Variants in CAST observed in about 807,000 individuals in gnomAD.
The protein encoded by CAST is MIR583 host.
CAST carries 76 observed loss-of-function variants against 119.6 expected under a neutral mutation model. The ratio of observed to expected loss-of-function variants is 0.64; its 90% CI spans 0.53 to 0.77. The LOEUF (loss-of-function observed/expected upper bound fraction) is 0.77, where lower values mean the gene tolerates loss of function less well. Among genes scored for constraint, CAST ranks in the 30% least tolerant of loss-of-function variants. The pLI is 0.00. For missense variants in CAST, 953 were observed against 946.5 expected (o/e 1.01, Z -0.09); for synonymous variants, 319 against 331.6 (o/e 0.96, Z 0.41).
chr5:96,159,593 T>C, the CAST span, among the ~76,000 whole-genome samples: 9 of 152,316 alleles, frequency 5.9e-5, no homozygotes, highest in African/African-American at 1.9e-4. Flanking sequence ...ATTAAGTTTA[T>C]ATAATGCAGA....
chr5:96,718,595 G>A (rs571504245), intron 3 of CAST, among the ~76,000 whole-genome samples: 56 of 151,986 alleles, frequency 3.7e-4, no homozygotes, highest in African/African-American at 1.3e-3. Flanking sequence ...AGAGGCTTCC[G>A]GAAGAAAACA....
chr5:96,264,139 A>G, the CAST span, among the ~76,000 whole-genome samples: 7 of 152,374 alleles, frequency 4.6e-5, no homozygotes, highest in East Asian at 5.8e-4. Context: ...ATTGTATTCA[A>G]TTATAGCAAT....
At chr5:96,684,427 T>C (rs1007112795) in intron 2 of CAST, among the ~76,000 whole-genome samples, 1 of 152,228 alleles carries the variant, frequency 6.6e-6, no homozygotes, top group East Asian at 1.9e-4. Context: ...GATTATATAT[T>C]GCAGCACCTT....
chr5:96,412,752 G>GT, the CAST span, among the ~76,000 whole-genome samples: 22,721 of 71,526 alleles, frequency 0.32, 3,641 homozygotes, highest in Admixed American at 0.38. Context: ...CAGCTGTGAT[G>GT]TTTTTTTTTT....
the CAST span, among the ~76,000 whole-genome samples, chr5:96,164,903 A>G: frequency 1.3e-5 from 2 of 152,284 alleles, no homozygotes; most frequent in South Asian, 4.2e-4. Flanking sequence ...GGAATCGTGC[A>G]GAGCCTGGCA....
At chr5:96,202,172 T>G in the CAST span, among the ~76,000 whole-genome samples, 1 of 152,052 alleles carries the variant, frequency 6.6e-6, no homozygotes, top group Non-Finnish European at 1.5e-5. Context: ...GAATATTAGA[T>G]GAATGTCTAA....
chr5:96,213,307 G>A, the CAST span: 1 of 151,952 alleles, frequency 6.6e-6, no homozygotes, highest in Non-Finnish European at 1.5e-5. Flanking sequence ...AATATTTGAA[G>A]TAAGTTCCTT....
At chr5:96,514,424 T>C in the CAST span, among the ~76,000 whole-genome samples, 1 of 152,146 alleles carries the variant, frequency 6.6e-6, no homozygotes, top group African/African-American at 2.4e-5. Context: ...CCTGCCCAAG[T>C]ATTTGCTTAT....
chr5:96,080,871 T>A, the CAST span, among the ~76,000 whole-genome samples: 1 of 152,184 alleles, frequency 6.6e-6, no homozygotes, highest in East Asian at 1.9e-4. Flanking sequence ...AGGCACAATT[T>A]CCCTTTGAGC....
At chr5:96,362,719 G>A in the CAST span, among the ~76,000 whole-genome samples, 1 of 151,990 alleles carries the variant, frequency 6.6e-6, no homozygotes, top group South Asian at 2.1e-4. Flanking sequence ...AGTTCTTTGT[G>A]GATTCTGGAT....
upstream of CAST, among the ~76,000 whole-genome samples, chr5:96,527,827 G>C (rs1327459256): frequency 2.0e-5 from 3 of 152,134 alleles, no homozygotes; most frequent in Non-Finnish European, 4.4e-5. Context: ...AGCTGGGCTT[G>C]AGCCAGGGCC....
the CAST span, among the ~76,000 whole-genome samples, chr5:96,072,225 G>GC: frequency 0.61 from 92,960 of 151,720 alleles, 28,639 homozygotes; most frequent in Non-Finnish European, 0.63. Context: ...TATTGTTAAG[G>GC]CCTGACCCTC....
chr5:95,975,876 A>C, the CAST span, among the ~76,000 whole-genome samples: 4,016 of 152,242 alleles, frequency 0.026, 176 homozygotes, highest in African/African-American at 0.091. Flanking sequence ...GATCCCATTA[A>C]GTTAGCCATG....
At chr5:96,499,391 A>C in the CAST span, among the ~76,000 whole-genome samples, 1 of 152,224 alleles carries the variant, frequency 6.6e-6, no homozygotes, top group Non-Finnish European at 1.5e-5. Flanking sequence ...GTAGTCTACT[A>C]GGTGTGCAAT....
At chr5:96,387,864 CA>C in the CAST span, among the ~76,000 whole-genome samples, 6 of 152,310 alleles carry the variant, frequency 3.9e-5, no homozygotes, top group East Asian at 7.7e-4. Flanking sequence ...AATCACCTGT[CA>C]CTGGGGCCAC....
the CAST span, among the ~76,000 whole-genome samples, chr5:96,406,486 C>A: frequency 1.3e-5 from 2 of 152,178 alleles, no homozygotes; most frequent in Non-Finnish European, 2.9e-5. Context: ...ATCTTGCCAG[C>A]CCCTCCAAGT....
the CAST span, among the ~76,000 whole-genome samples, chr5:96,508,002 T>TATTATTATC: frequency 1.2e-3 from 76 of 66,014 alleles, no homozygotes; most frequent in Non-Finnish European, 2.3e-3. Flanking sequence ...TTATTATTAT[T>TATTATTATC]ATTATTATTA....
intron 1 of CAST, among the ~76,000 whole-genome samples, chr5:96,555,010 C>A (rs1407078107): frequency 1.3e-5 from 2 of 152,204 alleles, no homozygotes; most frequent in Admixed American, 1.3e-4. Context: ...CCTCAAGGAT[C>A]TAGAACTAGA....
intron 9 of CAST, among the ~76,000 whole-genome samples, chr5:96,734,167 A>C (rs1158780319): frequency 6.6e-6 from 1 of 152,256 alleles, no homozygotes; most frequent in Non-Finnish European, 1.5e-5. Context: ...CTGGGCACAA[A>C]GTACATTCCA....
Sources: allele counts gnomAD v4.1 joint callset (sites outside exome capture counted in the v4.1 genomes callset), GRCh38; gene constraint gnomAD v4.1.1; transcripts MANE v1.5; gene names NCBI Gene and HGNC (gene_info 2026-07-23, HGNC 2026-07-21).